Variants in TBC1D19 observed in about 807,000 individuals in gnomAD.
TBC1D19 encodes the protein TBC1 domain family, member 19.
A neutral mutation model predicts 89.0 loss-of-function variants in TBC1D19; 60 were observed. The observed-to-expected ratio is 0.67, with a 90% CI of 0.55 to 0.84. TBC1D19 has a LOEUF of 0.84. TBC1D19 is among the 40% of genes least tolerant of loss of function. The probability of loss-of-function intolerance (pLI) is 0.00; values close to 1 mark genes in which losing one functional copy is unlikely to be tolerated. For synonymous variants in TBC1D19, 189 were observed against 199.7 expected (o/e 0.95, Z 0.45); for missense variants, 500 against 610.8 (o/e 0.82, Z 1.91).
chr4:26,746,164 A>C (rs888553781), intron 18 of TBC1D19, among the ~76,000 whole-genome samples: 1 of 151,724 alleles, frequency 6.6e-6, no homozygotes, highest in Non-Finnish European at 1.5e-5. Context: ...CAAACTTTTG[A>C]TATAAAAGAA....
chr4:26,718,933 C>T (rs1320183317), intron 14 of TBC1D19, among the ~76,000 whole-genome samples: 1 of 152,004 alleles, frequency 6.6e-6, no homozygotes, highest in East Asian at 1.9e-4. Context: ...CCACAATACC[C>T]CATATTCGTT....
chr4:26,687,822 T>C (rs1187909057), intron 12 of TBC1D19, among the ~76,000 whole-genome samples: 1 of 152,108 alleles, frequency 6.6e-6, no homozygotes, highest in Non-Finnish European at 1.5e-5. Flanking sequence ...GAAACTAATA[T>C]GCTATCCAGG....
intron 4 of TBC1D19, among the ~76,000 whole-genome samples, chr4:26,625,347 A>AT (rs1443869928): frequency 6.6e-6 from 1 of 152,148 alleles, no homozygotes; most frequent in Non-Finnish European, 1.5e-5. Flanking sequence ...ATGACTCACA[A>AT]TTTATTTTAC....
the TBC1D19 span, among the ~76,000 whole-genome samples, chr4:26,795,511 G>A: frequency 6.6e-6 from 1 of 152,056 alleles, no homozygotes; most frequent in Non-Finnish European, 1.5e-5. Context: ...GTATCCCCTG[G>A]CTCATAGCAG....
intron 7 of TBC1D19, among the ~76,000 whole-genome samples, chr4:26,651,423 G>A (rs948115736): frequency 3.9e-5 from 6 of 152,090 alleles, no homozygotes; most frequent in Admixed American, 1.3e-4. Context: ...CCTTCAAGAG[G>A]TCCTTCACAT....
chr4:26,743,702 A>G (rs1578010569), intron 18 of TBC1D19, among the ~76,000 whole-genome samples: 2 of 151,926 alleles, frequency 1.3e-5, no homozygotes, highest in Non-Finnish European at 1.5e-5. Context: ...CTGAGTGGAT[A>G]CCCTTTCCTT....
the TBC1D19 span, among the ~76,000 whole-genome samples, chr4:26,788,574 G>C: frequency 1.2e-4 from 18 of 152,190 alleles, no homozygotes; most frequent in African/African-American, 4.3e-4. Context: ...TAACAGAGAA[G>C]AGAGAGAAAG....
intron 4 of TBC1D19, among the ~76,000 whole-genome samples, chr4:26,635,726 T>C (rs1577844391): frequency 6.6e-6 from 1 of 152,272 alleles, no homozygotes; most frequent in Middle Eastern, 3.4e-3. Flanking sequence ...ATTTGTACCA[T>C]GATAGGTGGA....
chr4:26,788,929 A>G, the TBC1D19 span, among the ~76,000 whole-genome samples: 13 of 152,228 alleles, frequency 8.5e-5, no homozygotes, highest in African/African-American at 3.1e-4. Flanking sequence ...TTTCAGGGGA[A>G]ACAGCAGATT....
At chr4:26,806,764 G>C in the TBC1D19 span, among the ~76,000 whole-genome samples, 1 of 152,244 alleles carries the variant, frequency 6.6e-6, no homozygotes, top group Non-Finnish European at 1.5e-5. Flanking sequence ...GTCCTTGCAA[G>C]AAGCCATGTG....
At chr4:26,851,030 C>T in the TBC1D19 span, among the ~76,000 whole-genome samples, 1 of 152,212 alleles carries the variant, frequency 6.6e-6, no homozygotes, top group African/African-American at 2.4e-5. Context: ...TCTTTCTCTT[C>T]TAGAGCTGGG....
chr4:26,627,297 C>A (rs1039186348), intron 4 of TBC1D19, among the ~76,000 whole-genome samples: 1 of 152,100 alleles, frequency 6.6e-6, no homozygotes, highest in African/African-American at 2.4e-5. Context: ...CATTGTTGGA[C>A]ATTTGGGTTG....
intron 13 of TBC1D19, among the ~76,000 whole-genome samples, chr4:26,695,227 C>T (rs1002147935): frequency 9.9e-5 from 15 of 152,054 alleles, no homozygotes; most frequent in Admixed American, 6.6e-5. Flanking sequence ...CTTCAGTAGC[C>T]AATTCGATCA....
chr4:26,723,412 A>G (rs1717101530), intron 15 of TBC1D19, among the ~76,000 whole-genome samples: 2 of 152,122 alleles, frequency 1.3e-5, no homozygotes, highest in Non-Finnish European at 2.9e-5. Flanking sequence ...TCTTGGTCTC[A>G]GGGGACCACA....
chr4:26,657,659 A>G (rs1318301769), intron 7 of TBC1D19, among the ~76,000 whole-genome samples: 1 of 152,210 alleles, frequency 6.6e-6, no homozygotes, highest in African/African-American at 2.4e-5. Context: ...AGGAATCGCC[A>G]CACTGTCTTC....
chr4:26,750,541 CA>C (rs2109332585), intron 19 of TBC1D19, among the ~76,000 whole-genome samples: 1 of 152,266 alleles, frequency 6.6e-6, no homozygotes, highest in East Asian at 1.9e-4. Flanking sequence ...CATCCCTTAG[CA>C]AACTGAAGGA....
intron 6 of TBC1D19, among the ~76,000 whole-genome samples, chr4:26,639,841 G>A (rs926325307): frequency 6.6e-6 from 1 of 152,146 alleles, no homozygotes; most frequent in Non-Finnish European, 1.5e-5. Flanking sequence ...AGTACATTGA[G>A]AATTCTCATA....
upstream of TBC1D19, among the ~76,000 whole-genome samples, chr4:26,579,727 T>C (rs1251904800): frequency 2.0e-5 from 3 of 151,830 alleles, no homozygotes; most frequent in African/African-American, 7.3e-5. Flanking sequence ...TTCTCATTGT[T>C]CAACTCCCGC....
chr4:26,673,176 A>G (rs1712463858), intron 10 of TBC1D19, among the ~76,000 whole-genome samples: 1 of 151,680 alleles, frequency 6.6e-6, no homozygotes, highest in Admixed American at 6.6e-5. Context: ...CCTTCTTGCA[A>G]GGTTATGAGA....
Sources: gnomAD v4.1 joint callset for allele counts (sites outside exome capture counted in the v4.1 genomes callset) on GRCh38, gnomAD v4.1.1 for gene constraint, MANE v1.5 for transcripts, NCBI Gene and HGNC (gene_info 2026-07-23, HGNC 2026-07-21) for gene names.